Variants in STAG1 observed in about 807,000 individuals in gnomAD.
The protein encoded by STAG1 is STAG1 cohesin complex component.
In STAG1, 26 loss-of-function variants were observed where a neutral mutation model predicts 170.9. The observed-to-expected ratio is 0.15, with a 90% confidence interval of 0.11 to 0.21. The LOEUF (loss-of-function observed/expected upper bound fraction) is 0.21. Among genes scored for constraint, STAG1 ranks in the 10% least tolerant of loss-of-function variants. The pLI, the probability that STAG1 is intolerant of heterozygous loss-of-function variation, is 1.00. For missense variants in STAG1, 964 were observed against 1,509.5 expected (o/e 0.64, Z 5.99); for synonymous variants, 514 against 497.7 (o/e 1.03, Z -0.44).
chr3:136,608,795 C>T (rs1226909207), intron 3 of STAG1, among the ~76,000 whole-genome samples: 2 of 108,514 alleles, frequency 1.8e-5, no homozygotes, highest in African/African-American at 7.2e-5. Flanking sequence ...GAGACCCTAT[C>T]TCAAAAAAAA....
chr3:136,391,711 A>G (rs567354862), intron 22 of STAG1, among the ~76,000 whole-genome samples: 1 of 152,294 alleles, frequency 6.6e-6, no homozygotes, highest in East Asian at 1.9e-4. Context: ...TGGCTCTTTA[A>G]ATGTCTTTGT....
At chr3:136,478,608 A>C (rs1258952118) in intron 9 of STAG1, among the ~76,000 whole-genome samples, 1 of 152,192 alleles carries the variant, frequency 6.6e-6, no homozygotes, top group Non-Finnish European at 1.5e-5. Flanking sequence ...TAAAATTTTA[A>C]TGATAATTAA....
At chr3:136,543,627 T>A (rs1281135417) in intron 5 of STAG1, among the ~76,000 whole-genome samples, 1 of 152,164 alleles carries the variant, frequency 6.6e-6, no homozygotes, top group Non-Finnish European at 1.5e-5. Context: ...CTCCATCAGT[T>A]ACCGGATATG....
intron 5 of STAG1, among the ~76,000 whole-genome samples, chr3:136,563,428 A>G (rs1936921337): frequency 6.6e-6 from 1 of 152,110 alleles, no homozygotes; most frequent in Non-Finnish European, 1.5e-5. Flanking sequence ...GATAGCTCCA[A>G]AAGTCAGGAC....
At chr3:136,507,566 C>G (rs1933831485) in intron 7 of STAG1, among the ~76,000 whole-genome samples, 1 of 151,986 alleles carries the variant, frequency 6.6e-6, no homozygotes, top group Non-Finnish European at 1.5e-5. Context: ...GGGGGTCCCA[C>G]TATATTGCCC....
At chr3:136,637,028 C>T (rs549536955) in intron 1 of STAG1, among the ~76,000 whole-genome samples, 1 of 152,326 alleles carries the variant, frequency 6.6e-6, no homozygotes, top group South Asian at 2.1e-4. Context: ...GAAATCCACA[C>T]AGACATGGGG....
intron 4 of STAG1, among the ~76,000 whole-genome samples, chr3:136,583,751 G>A (rs1937664809): frequency 6.6e-6 from 1 of 152,098 alleles, no homozygotes; most frequent in Non-Finnish European, 1.5e-5. Flanking sequence ...ATCGTGCCAT[G>A]GCACTCCAGC....
intron 4 of STAG1, among the ~76,000 whole-genome samples, chr3:136,587,541 CAAA>C (rs747339467): frequency 1.6e-5 from 1 of 60,782 alleles, no homozygotes; most frequent in Non-Finnish European, 3.0e-5. Flanking sequence ...AACTCCATCT[CAAA>C]AAAAAAAAAA....
rs200663347 is a variant in STAG1 at position 136,740,645 on chromosome 3, A to AATTTTTTGT, written c.-84+11541_-84+11549dup. Among the ~76,000 whole-genome samples, 985 of 152,052 alleles carry AATTTTTTGT rather than the reference A, an allele frequency of 6.5e-3. 10 individuals are homozygous for AATTTTTTGT. The highest frequency in any genetic ancestry group is 0.023 in the African/African-American group (956 of 41,466). ...CAGGTGCGCACTACCACACCTAACT[A>AATTTTTTGT]ATTTTTTGTATTTTTTGTAGACACA... On this transcript the variant is annotated intron_variant, in intron 1 of 33. Transcript: ENST00000383202.
chr3:136,615,110 C>A (rs1176239912), intron 3 of STAG1, among the ~76,000 whole-genome samples: 1 of 151,564 alleles, frequency 6.6e-6, no homozygotes, highest in East Asian at 1.9e-4. Context: ...CAAGTTGGGA[C>A]TTCATGAACT....
chr3:136,411,671 T>A (rs980347388), intron 21 of STAG1, among the ~76,000 whole-genome samples: 1 of 151,954 alleles, frequency 6.6e-6, no homozygotes, highest in African/African-American at 2.4e-5. Flanking sequence ...ATAATAAAGG[T>A]CAGGTGTGGT....
chr3:136,527,101 A>G lies in STAG1; in HGVS notation c.472-5684T>C, dbSNP rs768138828. 3.9e-5 allele frequency among the ~76,000 whole-genome samples: 6 copies of G among 152,078 alleles called. 1 individual carries two copies. Among genetic ancestry groups the G allele is most frequent in the Non-Finnish European group, 7.4e-5 (5 of 68,020 alleles). ...GTTGCTCTTCTCAAGGAGTATCTTCATGACATTCTCTGTATTTCCTGAATT... is the reference window on the plus strand; with the variant it reads ...GTTGCTCTTCTCAAGGAGTATCTTCGTGACATTCTCTGTATTTCCTGAATT... On this transcript the variant is annotated intron_variant, in intron 6 of 33. Coordinates refer to ENST00000383202, the MANE Select transcript of STAG1 (RefSeq NM_005862.3).
chr3:136,427,060 T>TA (rs1053830833), intron 16 of STAG1, among the ~76,000 whole-genome samples: 8,716 of 119,876 alleles, frequency 0.073, 391 homozygotes, highest in Non-Finnish European at 0.11. Context: ...ACTCGTCTCT[T>TA]AAAAAAAAAA....
At chr3:136,723,830 G>T (rs1260204752) in intron 1 of STAG1, among the ~76,000 whole-genome samples, 2 of 147,800 alleles carry the variant, frequency 1.4e-5, no homozygotes, top group African/African-American at 2.5e-5. Flanking sequence ...CGGGAGGGAG[G>T]TGGGGGGGTC....
intron 1 of STAG1, among the ~76,000 whole-genome samples, chr3:136,707,920 A>G (rs1351987451): frequency 6.6e-6 from 1 of 152,086 alleles, no homozygotes; most frequent in Non-Finnish European, 1.5e-5. Flanking sequence ...AAATTTCAAC[A>G]TGAGTTTTGG....
At chr3:136,433,531 G>A (rs372750593) in intron 16 of STAG1, 25 bp downstream of exon 16, 143 of 1,547,740 alleles carry the variant, frequency 9.2e-5, no homozygotes, top group Non-Finnish European at 1.1e-4. Context: ...AACCTTTTAG[G>A]AGATTTCTCA....
intron 22 of STAG1, among the ~76,000 whole-genome samples, chr3:136,381,623 GA>G (rs768891490): frequency 2.4e-4 from 36 of 152,254 alleles, no homozygotes; most frequent in Non-Finnish European, 3.7e-4. Context: ...AAGAGTCAGT[GA>G]AAAATAGGAT....
chr3:136,662,153 C>CTTT (rs398082483), intron 1 of STAG1, among the ~76,000 whole-genome samples: 6 of 141,168 alleles, frequency 4.3e-5, no homozygotes, highest in African/African-American at 5.2e-5. Context: ...CAGTTAGACT[C>CTTT]TTTTTTTTTT....
In STAG1 at chr3:136,690,740, A is replaced by G. The variant is rs537504036; in HGVS notation, c.-83-59759T>C. 1.7e-3 allele frequency among the ~76,000 whole-genome samples: 261 copies of G among 152,288 alleles called. 1 individual carries two copies. The highest frequency in any genetic ancestry group is 5.2e-3 in the African/African-American group (217 of 41,554). On this transcript the variant is annotated intron_variant, in intron 1 of 33. Coordinates refer to ENST00000383202, the MANE Select transcript of STAG1 (RefSeq NM_005862.3). Reference sequence around the variant, plus strand: ...GAGGAAGAGTCAGCAAAAGAATTTCATAAGAGGTAAGATGACTGGCAAAGA... The same window carrying G: ...GAGGAAGAGTCAGCAAAAGAATTTCGTAAGAGGTAAGATGACTGGCAAAGA...
Sources: allele counts gnomAD v4.1 joint callset (sites outside exome capture counted in the v4.1 genomes callset), GRCh38; gene constraint gnomAD v4.1.1; transcripts MANE v1.5; gene names NCBI Gene and HGNC (gene_info 2026-07-23, HGNC 2026-07-21).